CLCN3: variants seen among roughly 807,000 people sequenced by gnomAD.
CLCN3 encodes the protein H(+)/Cl(-) exchange transporter 3.
CLCN3 carries 16 observed loss-of-function variants against 83.4 expected under a neutral mutation model. The observed-to-expected ratio is 0.19, with a 90% CI of 0.13 to 0.29. The LOEUF is 0.29. Among genes scored for constraint, CLCN3 ranks in the 10% least tolerant of loss-of-function variants. CLCN3 has a pLI of 1.00. For missense variants in CLCN3, 544 were observed against 1,006.0 expected (o/e 0.54, Z 6.21); for synonymous variants, 322 against 346.2 (o/e 0.93, Z 0.78).
intron 12 of CLCN3, among the ~76,000 whole-genome samples, chr4:169,714,527 C>T (rs970828902): frequency 2.6e-5 from 4 of 152,112 alleles, no homozygotes; most frequent in African/African-American, 9.7e-5. Context: ...GTGAACAAGT[C>T]ATGGTTCAAG....
intron 2 of CLCN3, among the ~76,000 whole-genome samples, chr4:169,672,254 A>ATAGATAGG (rs1560848438): frequency 6.6e-6 from 1 of 152,034 alleles, no homozygotes; most frequent in African/African-American, 2.4e-5. Context: ...AGATAGATAG[A>ATAGATAGG]TAGATAAAAT....
intron 3 of CLCN3, among the ~76,000 whole-genome samples, chr4:169,686,680 G>T (rs1219011552): frequency 1.3e-5 from 2 of 152,210 alleles, no homozygotes; most frequent in African/African-American, 4.8e-5. Flanking sequence ...CTCCCAAAGT[G>T]CTGGGATTAC....
chr4:169,636,735 G>GTTTTTT (rs67900605), intron 2 of CLCN3, among the ~76,000 whole-genome samples: 26 of 119,522 alleles, frequency 2.2e-4, no homozygotes, highest in African/African-American at 7.4e-4. Context: ...TCATTATTTG[G>GTTTTTT]TTTTTTTTTT....
intron 2 of CLCN3, among the ~76,000 whole-genome samples, chr4:169,637,798 TTTTTTTCCCATATGAATAACTA>T (rs1490425120): frequency 1.3e-5 from 2 of 152,114 alleles, no homozygotes; most frequent in East Asian, 3.8e-4. Flanking sequence ...TTCAGATTCA[TTTTTTTCCCATATGAATAACTA>T]GTTGACCCCA....
rs1733692900 is a variant in CLCN3 at position 169,723,166 on chromosome 4, T to C, written c.*3169T>C. ...ACTGTGATGAGTTAATCAGAAAATC[T>C]ATTAAAATCTATATGACAATGTGTG... On this transcript the variant is annotated 3_prime_UTR_variant, in exon 13 of 13. Coordinates refer to ENST00000513761, the MANE Select transcript of CLCN3 (RefSeq NM_001829.4). 6.6e-6 allele frequency: 1 copy of C among 152,240 alleles called. No individual in the cohort carries two copies. Among genetic ancestry groups the C allele is most frequent in the East Asian group, 1.9e-4 (1 of 5,206 alleles). 9.4% of individuals were successfully genotyped at this position (152,240 alleles called of 1,614,324 possible).
chr4:169,679,479 T>C (rs999548297), intron 2 of CLCN3, among the ~76,000 whole-genome samples: 4 of 151,832 alleles, frequency 2.6e-5, no homozygotes, highest in East Asian at 3.9e-4. Flanking sequence ...CCTCACTTCC[T>C]AGACGGGGTG....
At chr4:169,630,714 G>A (rs1773347820) in intron 1 of CLCN3, among the ~76,000 whole-genome samples, 1 of 151,826 alleles carries the variant, frequency 6.6e-6, no homozygotes, top group Admixed American at 6.6e-5. Context: ...TATTTTTTTA[G>A]TACAGGGTTT....
chr4:169,713,073 T>C lies in CLCN3; in HGVS notation c.2150-6T>C, dbSNP rs1733285181. 1 of 1,612,506 alleles carries C rather than the reference T, an allele frequency of 6.2e-7. No individual in the cohort carries two copies. Among genetic ancestry groups the C allele is most frequent in the Non-Finnish European group, 8.5e-7 (1 of 1,178,676 alleles). ...AAAAGTGTTGGTCTCTTCTCTCTCT[T>C]TTCAGAAAGTGCCAGGAAAAAACAA... On this transcript the variant is annotated splice_region_variant and splice_polypyrimidine_tract_variant and intron_variant, in intron 11 of 12. Coordinates refer to ENST00000513761, the MANE Select transcript of CLCN3 (RefSeq NM_001829.4).
At chr4:169,664,825 G>T (rs373458806) in intron 2 of CLCN3, among the ~76,000 whole-genome samples, 1 of 152,124 alleles carries the variant, frequency 6.6e-6, no homozygotes, top group African/African-American at 2.4e-5. Context: ...CAAGATTTCC[G>T]AGTGTGAACA....
chr4:169,634,735 T>C (rs1212584974), intron 1 of CLCN3, among the ~76,000 whole-genome samples: 1 of 152,182 alleles, frequency 6.6e-6, no homozygotes, highest in Non-Finnish European at 1.5e-5. Context: ...AATACATTTC[T>C]CTTTTTGACC....
chr4:169,717,796 G>A (rs1341890986), intron 12 of CLCN3: 1 of 1,606,526 alleles, frequency 6.2e-7, no homozygotes, highest in East Asian at 2.2e-5. Context: ...TTTCAGGATT[G>A]TCTTGGGGAT....
At chr4:169,639,180 C>T (rs4692574) in intron 2 of CLCN3, among the ~76,000 whole-genome samples, 70,551 of 151,988 alleles carry the variant, frequency 0.46, 18,280 homozygotes, top group East Asian at 0.76. Flanking sequence ...CAGTTGCACA[C>T]CACTAGACCC....
At chr4:169,689,381 G>A in intron 5 of CLCN3, 151 bp downstream of exon 5, 2 of 622,228 alleles carry the variant, frequency 3.2e-6, no homozygotes, top group Non-Finnish European at 5.2e-6. Context: ...AGAATTAAGT[G>A]CAATATTGTT....
At chr4:169,719,864 T>C in intron 12 of CLCN3, 43 bp from the exon 13 acceptor site, 1 of 1,516,384 alleles carries the variant, frequency 6.6e-7, no homozygotes, top group East Asian at 2.3e-5. Flanking sequence ...CTCCTTTTAT[T>C]TTCCCTTTTA....
chr4:169,645,119 T>C (rs1730536610), intron 2 of CLCN3, among the ~76,000 whole-genome samples: 1 of 152,228 alleles, frequency 6.6e-6, no homozygotes, highest in Non-Finnish European at 1.5e-5. Context: ...CACGGATATC[T>C]TAGTATTATC....
intron 2 of CLCN3, among the ~76,000 whole-genome samples, chr4:169,651,994 A>G (rs1730744261): frequency 6.6e-6 from 1 of 152,168 alleles, no homozygotes; most frequent in Non-Finnish European, 1.5e-5. Context: ...CACATTAGAT[A>G]TTAATAGAAT....
chr4:169,700,485 T>C (rs1227857050), intron 9 of CLCN3, among the ~76,000 whole-genome samples: 4 of 152,144 alleles, frequency 2.6e-5, no homozygotes, highest in African/African-American at 9.7e-5. Context: ...CTGGAACTCC[T>C]GACCTCAGGT....
intron 1 of CLCN3, among the ~76,000 whole-genome samples, chr4:169,635,533 T>C (rs189330386): frequency 1.3e-5 from 2 of 152,276 alleles, no homozygotes; most frequent in Non-Finnish European, 2.9e-5. Context: ...TTACACCTGA[T>C]AAAATATTCA....
chr4:169,645,893 C>G (rs771900124), intron 2 of CLCN3, among the ~76,000 whole-genome samples: 5 of 152,052 alleles, frequency 3.3e-5, no homozygotes, highest in Admixed American at 6.6e-5. Context: ...CTGTATTTGT[C>G]TTACTTGTTT....
Sources: allele counts gnomAD v4.1 joint callset (sites outside exome capture counted in the v4.1 genomes callset), GRCh38; gene constraint gnomAD v4.1.1; transcripts MANE v1.5; gene names NCBI Gene and HGNC (gene_info 2026-07-23, HGNC 2026-07-21).